EPS8L3: variants seen among roughly 807,000 people sequenced by gnomAD.
EPS8L3 encodes the protein epidermal growth factor receptor kinase substrate 8-like protein 3.
A neutral mutation model predicts 88.5 loss-of-function variants in EPS8L3; 80 were observed. That is an observed-to-expected ratio of 0.90 (90% confidence interval 0.75 to 1.09). The LOEUF is 1.09. Among genes scored for constraint, EPS8L3 ranks in the 50% least tolerant of loss-of-function variants. EPS8L3 has a pLI of 0.00. For synonymous variants in EPS8L3, 286 were observed against 291.0 expected (o/e 0.98, Z 0.18); for missense variants, 721 against 735.2 (o/e 0.98, Z 0.22).
In EPS8L3 at chr1:109,759,449, C is replaced by A. The variant is rs1650677368; in HGVS notation, c.256-62G>T. On this transcript the variant is annotated intron_variant, in intron 4 of 18. Coordinates refer to ENST00000361965, the MANE Select transcript of EPS8L3 (RefSeq NM_133181.4). The surrounding 1 kb of genome is among the most constrained non-coding windows in gnomAD (Gnocchi z 4.2). ...GAGCTAGGTGTGGCTTCTGGGAGCT[C>A]CTGACCAGCTCATCCTAGCCCTTTG... 6.3e-7 allele frequency: 1 copy of A among 1,590,060 alleles called. No individual in the cohort carries two copies. The highest frequency in any genetic ancestry group is 1.3e-5 in the African/African-American group (1 of 74,684).
intron 12 of EPS8L3, 79 bp from the exon 13 acceptor site, chr1:109,753,277 G>C: frequency 7.2e-5 from 84 of 1,159,480 alleles, no homozygotes; most frequent in Non-Finnish European, 9.2e-5. Context: ...ACAGGGAGGG[G>C]ACGACAGGGC....
In EPS8L3 at chr1:109,757,559, G is replaced by C; in HGVS notation, c.895-4C>G. On this transcript the variant is annotated splice_region_variant and splice_polypyrimidine_tract_variant and intron_variant, in intron 10 of 18. Transcript: ENST00000361965. The stretch of plus-strand genomic sequence containing the variant: ...TCAGCCAGGTGGCCAGCCTTCCCTG[G>C]GGACACAGAGCAATGCCTGTCACCA... The C allele has an allele frequency of 6.2e-7, 1 of 1,613,284 alleles. No homozygotes were observed. Among genetic ancestry groups the C allele is most frequent in the Non-Finnish European group, 8.5e-7 (1 of 1,179,572 alleles).
At position 109,762,616 on chromosome 1, in the gene EPS8L3, G is replaced by A. The variant is rs188133417; in HGVS notation, c.-24-843C>T. On this transcript the variant is annotated intron_variant, in intron 1 of 18. Coordinates refer to ENST00000361965, the MANE Select transcript of EPS8L3 (RefSeq NM_133181.4). ...ATCCTATCAGTTTCTCCTCACTGCC[G>A]TCCACTTGTACTTACTTGGCGCCAC... Among the ~76,000 whole-genome samples, 318 of 144,900 alleles carry A rather than the reference G, an allele frequency of 2.2e-3. 4 individuals carry two copies. Among genetic ancestry groups the A allele is most frequent in the East Asian group, 0.02 (98 of 4,928 alleles).
intron 18 of EPS8L3, 56 bp downstream of exon 18, chr1:109,750,604 T>A (rs1649688403): frequency 6.2e-7 from 1 of 1,610,934 alleles, no homozygotes; most frequent in Non-Finnish European, 8.5e-7. Context: ...GCCCTCTCTC[T>A]CACCCAGGAG....
chr1:109,750,977 T>G (rs753232132), intron 17 of EPS8L3, among the ~76,000 whole-genome samples, 185 bp from the exon 18 acceptor site: 5 of 152,086 alleles, frequency 3.3e-5, no homozygotes, highest in Non-Finnish European at 2.9e-5. Flanking sequence ...AACTTCCAGA[T>G]TTGAAAGAAG....
Position 109,761,775 on chromosome 1 carries a change from T to C in EPS8L3, c.-24-2A>G. 6.2e-7 allele frequency: 1 copy of C among 1,613,778 alleles called. No homozygotes were observed. On this transcript the variant is annotated splice_acceptor_variant, in intron 1 of 18. Coordinates refer to ENST00000361965, the MANE Select transcript of EPS8L3 (RefSeq NM_133181.4). LOFTEE classifies it low-confidence loss of function (5UTR_SPLICE). ...GTTGACGCTGCTGAGGACGGCTCCC[T>C]AGAACCCAAAGTGAACCAGAGGCAG...
In EPS8L3 at chr1:109,751,261, T is replaced by G; in HGVS notation, c.1637+17A>C. On this transcript the variant is annotated intron_variant, in intron 17 of 18. Coordinates refer to ENST00000361965, the MANE Select transcript of EPS8L3 (RefSeq NM_133181.4). ...ACAAAGTTTCTCCCTCCATATCCTG[T>G]AGGGCCAGGCACTCACGCAGTGGAG... The G allele has an allele frequency of 6.2e-7, 1 of 1,611,992 alleles. No individual in the cohort carries two copies. Among genetic ancestry groups the G allele is most frequent in the African/African-American group, 1.3e-5 (1 of 74,996 alleles).
At chr1:109,758,195 C>T (rs1650493353) in intron 8 of EPS8L3, 121 bp downstream of exon 8, 1 of 1,298,614 alleles carries the variant, frequency 7.7e-7, no homozygotes, top group Admixed American at 1.8e-5. Context: ...CCTCTCTGGC[C>T]TCCTGGCCCA....
Position 109,759,144 on chromosome 1 carries a change from A to AGTGT in EPS8L3, c.406-31_406-28dup, listed in dbSNP as rs3220009. The AGTGT allele has an allele frequency of 1.0e-3, 1,495 of 1,492,044 alleles. No homozygotes were observed. The highest frequency in any genetic ancestry group is 1.6e-3 in the East Asian group (67 of 43,048). The allele number at this position is 1,492,044 out of a possible 1,614,324, so 92.4% of individuals were successfully genotyped here. A position where few individuals can be genotyped will look rare whatever the true frequency, so the allele number is the denominator to read the frequency against. On this transcript the variant is annotated intron_variant, in intron 5 of 18. Coordinates refer to ENST00000361965, the MANE Select transcript of EPS8L3 (RefSeq NM_133181.4). The surrounding 1 kb of genome is among the most constrained non-coding windows in gnomAD (Gnocchi z 4.2). ...TGGGAAGCAGCAGTCAGGCAGGCTA[A>AGTGT]GTGTGTGTGTGTGTGTGTGTGTGTG...
intron 6 of EPS8L3, 113 bp from the exon 7 acceptor site, chr1:109,758,776 AC>A: frequency 2.2e-6 from 3 of 1,346,434 alleles, no homozygotes; most frequent in Non-Finnish European, 3.0e-6. Context: ...CAGGAGTCCC[AC>A]CCCCTGCTCC....
At chr1:109,758,162 G>T in intron 8 of EPS8L3, 104 bp from the exon 9 acceptor site, 1 of 1,312,430 alleles carries the variant, frequency 7.6e-7, no homozygotes, top group Non-Finnish European at 1.1e-6. Context: ...CCAGCCTCAG[G>T]CCCAGCCTGG....
Position 109,758,534 on chromosome 1 carries a change from G to C in EPS8L3, c.591C>G (p.Thr197=). 1.2e-6 allele frequency: 2 copies of C among 1,603,458 alleles called. No homozygotes were observed. The highest frequency in any genetic ancestry group is 1.7e-6 in the Non-Finnish European group (2 of 1,174,308). ...ATGCCCCAAACTTACTGTGCTCTAG[G>C]GTCCTCTGGTGGGGCTGTTCTGGAG... ...GIPPEQPHQR[T]LEHSLPPSPR... Residue 197 remains threonine, a synonymous_variant, in exon 7 of 19, where the codon ACC becomes ACG. Coordinates refer to ENST00000361965, the MANE Select transcript of EPS8L3 (RefSeq NM_133181.4).
At chr1:109,751,496 T>A in intron 16 of EPS8L3, 145 bp from the exon 17 acceptor site, 1 of 1,360,702 alleles carries the variant, frequency 7.3e-7, no homozygotes. Context: ...GCTGGTCTTG[T>A]TCTCTGCTCT....
chr1:109,762,853 G>A (rs1207804991), intron 1 of EPS8L3, among the ~76,000 whole-genome samples: 1 of 152,248 alleles, frequency 6.6e-6, no homozygotes, highest in Non-Finnish European at 1.5e-5. Context: ...TTATAAACAT[G>A]CCTCTGCCGC....
chr1:109,751,272 A>ACT lies in EPS8L3; in HGVS notation c.1637+4_1637+5dup. ...CCCTCCATATCCTGTAGGGCCAGGCACTCACGCAGTGGAGAAGTTCTCTGC... is the reference window on the plus strand; with the variant it reads ...CCCTCCATATCCTGTAGGGCCAGGCACTCTCACGCAGTGGAGAAGTTCTCTGC... On this transcript the variant is annotated splice_donor_region_variant and intron_variant, in intron 17 of 18. Coordinates refer to ENST00000361965, the MANE Select transcript of EPS8L3 (RefSeq NM_133181.4). 2 of 1,613,376 alleles carry ACT rather than the reference A, an allele frequency of 1.2e-6. No individual in the cohort carries two copies. The highest frequency in any genetic ancestry group is 1.7e-6 in the Non-Finnish European group (2 of 1,179,656).
At chr1:109,751,175 C>G in intron 17 of EPS8L3, 103 bp downstream of exon 17, 4 of 995,550 alleles carry the variant, frequency 4.0e-6, no homozygotes, top group Non-Finnish European at 6.1e-6. Context: ...GGATCGGGGT[C>G]ATGTACAATG....
intron 13 of EPS8L3, 69 bp from the exon 14 acceptor site, chr1:109,752,789 A>C: frequency 7.2e-7 from 1 of 1,381,278 alleles, no homozygotes; most frequent in Non-Finnish European, 1.0e-6. Flanking sequence ...GAGCTGGGGT[A>C]TCCGACCACA....
intron 12 of EPS8L3, 130 bp downstream of exon 12, chr1:109,756,887 G>A (rs1352363738): frequency 8.9e-5 from 107 of 1,196,606 alleles, no homozygotes; most frequent in Non-Finnish European, 1.2e-4. Flanking sequence ...GGAACTCTCT[G>A]TAGAGTCCCC....
chr1:109,761,899 T>G, intron 1 of EPS8L3, 126 bp from the exon 2 acceptor site: 1 of 768,610 alleles, frequency 1.3e-6, no homozygotes, highest in Non-Finnish European at 2.2e-6. Context: ...AGCCCCTGGC[T>G]CCAGGGGCCC....
Sources: gnomAD v4.1 joint callset for allele counts (sites outside exome capture counted in the v4.1 genomes callset) on GRCh38, gnomAD v4.1.1 for gene constraint, Gnocchi (gnomAD v3.1) non-coding constraint, MANE v1.5 for transcripts, NCBI Gene and HGNC (gene_info 2026-07-23, HGNC 2026-07-21) for gene names.